Variants in EMX2 observed in about 807,000 individuals in gnomAD.
EMX2 encodes the protein homeobox protein EMX2.
In EMX2, 6 loss-of-function variants were observed where a neutral mutation model predicts 23.0. That is an observed-to-expected ratio of 0.26 (90% CI 0.14 to 0.52). The LOEUF is 0.52. Among genes scored for constraint, EMX2 ranks in the 20% least tolerant of loss-of-function variants. The pLI, the probability that EMX2 is intolerant of heterozygous loss-of-function variation, is 0.97. For synonymous variants in EMX2, 175 were observed against 153.3 expected (o/e 1.14, Z -1.04); for missense variants, 302 against 341.4 (o/e 0.88, Z 0.91).
chr10:117,543,915 C>A (rs1266294273), intron 1 of EMX2, among the ~76,000 whole-genome samples: 1 of 152,206 alleles, frequency 6.6e-6, no homozygotes, highest in East Asian at 1.9e-4. Flanking sequence ...GGAAGGGGTG[C>A]GAACGGAGAA....
chr10:117,548,297 A>G lies in EMX2; in HGVS notation c.*65A>G. The G allele has an allele frequency of 1.3e-6, 2 of 1,586,954 alleles. 1 individual carries two copies. The highest frequency in any genetic ancestry group is 2.3e-5 in the South Asian group (2 of 87,700). ...CAAAAGAGACAGGGAGAGGTGGAGA[A>G]GGAAAAAACCCTACAAAACAAAAAC... On this transcript the variant is annotated 3_prime_UTR_variant, in exon 3 of 3. Coordinates refer to ENST00000553456, the MANE Select transcript of EMX2 (RefSeq NM_004098.4).
At chr10:117,544,586 T>C (rs1294595372) in intron 1 of EMX2, 2 of 152,170 alleles carry the variant, frequency 1.3e-5, no homozygotes, top group Non-Finnish European at 2.9e-5. Flanking sequence ...AGCCGATCAA[T>C]ACTCCGCGGC....
At position 117,548,047 on chromosome 10, in the gene EMX2, T is replaced by A; in HGVS notation, c.592-18T>A. The A allele has an allele frequency of 6.2e-7, 1 of 1,602,752 alleles. No individual in the cohort carries two copies. Among genetic ancestry groups the A allele is most frequent in the African/African-American group, 1.3e-5 (1 of 74,820 alleles). Reference sequence around the variant, plus strand: ...GCTCTGAAAGAACTAACGCACCCCATCTGCCTCTCACCCGCAGGTAAAAGT... The same window carrying A: ...GCTCTGAAAGAACTAACGCACCCCAACTGCCTCTCACCCGCAGGTAAAAGT... On this transcript the variant is annotated intron_variant, in intron 2 of 2. Transcript: ENST00000553456.
chr10:117,548,747 T>TC lies in EMX2; in HGVS notation c.*522dup, dbSNP rs1427507486. 84 of 404,732 alleles carry TC rather than the reference T, an allele frequency of 2.1e-4. No individual in the cohort carries two copies. The highest frequency in any genetic ancestry group is 3.2e-4 in the East Asian group (9 of 28,248). 25.1% of individuals were successfully genotyped at this position (404,732 alleles called of 1,614,324 possible). A position where few individuals can be genotyped will look rare whatever the true frequency, so the allele number is the denominator to read the frequency against. On this transcript the variant is annotated 3_prime_UTR_variant, in exon 3 of 3. Transcript: ENST00000553456. ...TTTGTTTTTTGCACTTCGCTGTGTT[T>TC]CCCCCCCATCTTTAAAAATAATTAG...
At position 117,548,389 on chromosome 10, in the gene EMX2, C is replaced by T; in HGVS notation, c.*157C>T. On this transcript the variant is annotated 3_prime_UTR_variant, in exon 3 of 3. Coordinates refer to ENST00000553456, the MANE Select transcript of EMX2 (RefSeq NM_004098.4). ...AGGGAGCAGCGGAATGCGGCGAAGA[C>T]TCTGGACAGCGAGGGCACAGGGTCC... The T allele has an allele frequency of 8.3e-7, 1 of 1,202,258 alleles. No homozygotes were observed. Among genetic ancestry groups the T allele is most frequent in the Non-Finnish European group, 1.1e-6 (1 of 873,604 alleles). 74.5% of individuals were successfully genotyped at this position (1,202,258 alleles called of 1,614,324 possible).
At chr10:117,545,926 G>C (rs1318815349) in intron 2 of EMX2, 110 bp downstream of exon 2, 3 of 1,457,492 alleles carry the variant, frequency 2.1e-6, no homozygotes, top group Non-Finnish European at 2.8e-6. Context: ...TTCCGCACAG[G>C]TCCTGGTAGC....
intron 1 of EMX2, chr10:117,545,164 A>G (rs1846557931): frequency 6.5e-6 from 1 of 154,884 alleles, no homozygotes; most frequent in Non-Finnish European, 1.4e-5. Flanking sequence ...ATTTAAAAAT[A>G]AATCTCCATG....
chr10:117,545,529 C>A (rs1329755188), intron 1 of EMX2, 103 bp from the exon 2 acceptor site: 2 of 1,434,328 alleles, frequency 1.4e-6, no homozygotes, highest in Non-Finnish European at 9.5e-7. Context: ...CGCGGCTATG[C>A]GAAGGCCCTG....
At chr10:117,544,706 GCCTTTTAC>G (rs1157887747) in intron 1 of EMX2, 1 of 152,104 alleles carries the variant, frequency 6.6e-6, no homozygotes, top group Admixed American at 6.6e-5. Flanking sequence ...AACCCAAAAA[GCCTTTTAC>G]CCTTAATCCC....
At chr10:117,545,016 C>T (rs1364544875) in intron 1 of EMX2, 1 of 152,092 alleles carries the variant, frequency 6.6e-6, no homozygotes, top group Non-Finnish European at 1.5e-5. Flanking sequence ...TCTCGGGAGC[C>T]GGGAGCCCCG....
rs910849459 is a variant in EMX2, at chr10:117,549,449, T to C, written c.*1217T>C. On this transcript the variant is annotated 3_prime_UTR_variant, in exon 3 of 3. Transcript: ENST00000553456. ...ATACCAGAATGTAAATATTTTTGTG[T>C]TTTGTGTTAATTTGTTAGAATTCTA... 1 of 152,678 alleles carries C rather than the reference T, an allele frequency of 6.5e-6. No individual in the cohort carries two copies. Among genetic ancestry groups the C allele is most frequent in the African/African-American group, 2.4e-5 (1 of 41,458 alleles). The allele number at this position is 152,678 out of a possible 1,614,324, so 9.5% of individuals were successfully genotyped here.
In EMX2 at chr10:117,543,664, C is replaced by A; in HGVS notation, c.397C>A (p.Arg133Ser). 1 of 1,613,556 alleles carries A rather than the reference C, an allele frequency of 6.2e-7. No homozygotes were observed. The highest frequency in any genetic ancestry group is 2.2e-5 in the East Asian group (1 of 44,838). Reference protein sequence around the residue: ...LIHRYRYLGHRFQGNDTSPES... With the variant: ...LIHRYRYLGHSFQGNDTSPES... The stretch of plus-strand genomic sequence containing the variant: ...CCACCGCTACCGATATCTGGGTCAT[C>A]GCTTCCAAGGTACGTGCCACGTCGC... Residue 133 changes from arginine to serine, a missense_variant, in exon 1 of 3, where the codon CGC (arginine) becomes AGC (serine). Around this residue, in one of 4 missense-constraint regions of EMX2, gnomAD observed 221 missense variants for 206.8 expected, o/e 1.07. Transcript: ENST00000553456.
At chr10:117,543,744 G>C in intron 1 of EMX2, 71 bp downstream of exon 1, 1 of 1,610,474 alleles carries the variant, frequency 6.2e-7, no homozygotes, top group Non-Finnish European at 8.5e-7. Context: ...GCCTGCTCCG[G>C]GTGGGCGCTT....
At chr10:117,545,268 G>T (rs1048174134) in intron 1 of EMX2, 5 of 225,534 alleles carry the variant, frequency 2.2e-5, no homozygotes, top group African/African-American at 1.1e-4. Context: ...CGGGTTGTGG[G>T]CGCCAATCCC....
chr10:117,548,284 G>A lies in EMX2; in HGVS notation c.*52G>A. 6.2e-7 allele frequency: 1 copy of A among 1,600,666 alleles called. No homozygotes were observed. Among genetic ancestry groups the A allele is most frequent in the South Asian group, 1.1e-5 (1 of 89,248 alleles). On this transcript the variant is annotated 3_prime_UTR_variant, in exon 3 of 3. Coordinates refer to ENST00000553456, the MANE Select transcript of EMX2 (RefSeq NM_004098.4). ...GGACAACATGGAGCAAAAGAGACAG[G>A]GAGAGGTGGAGAAGGAAAAAACCCT...
In EMX2 at chr10:117,548,247, C is replaced by T; in HGVS notation, c.*15C>T. The T allele has an allele frequency of 6.2e-7, 1 of 1,612,872 alleles. No individual in the cohort carries two copies. Among genetic ancestry groups the T allele is most frequent in the Non-Finnish European group, 8.5e-7 (1 of 1,179,508 alleles). On this transcript the variant is annotated 3_prime_UTR_variant, in exon 3 of 3. Coordinates refer to ENST00000553456, the MANE Select transcript of EMX2 (RefSeq NM_004098.4). ...CAGATGATTAAAAACATAAACCTAACCCCACAGAAACGGACAACATGGAGC... is the reference window on the plus strand; with the variant it reads ...CAGATGATTAAAAACATAAACCTAATCCCACAGAAACGGACAACATGGAGC...
intron 1 of EMX2, 106 bp from the exon 2 acceptor site, chr10:117,545,526 A>T: frequency 7.2e-7 from 1 of 1,395,816 alleles, no homozygotes; most frequent in Non-Finnish European, 9.8e-7. Context: ...CGGCGCGGCT[A>T]TGCGAAGGCC....
chr10:117,546,746 C>T (rs1343325469), intron 2 of EMX2, among the ~76,000 whole-genome samples: 1 of 152,236 alleles, frequency 6.6e-6, no homozygotes, highest in African/African-American at 2.4e-5. Context: ...GTGTCAAGCC[C>T]CGAGCGCACC....
At chr10:117,543,786 G>A (rs8192644) in intron 1 of EMX2, 113 bp downstream of exon 1, 50,202 of 1,521,936 alleles carry the variant, frequency 0.033, 922 homozygotes, top group South Asian at 0.04. Context: ...CCTCCGGCTC[G>A]CGGGCCAGCG....
Sources: gnomAD v4.1 joint callset for allele counts (sites outside exome capture counted in the v4.1 genomes callset) on GRCh38, gnomAD v4.1.1 for gene constraint, gnomAD v4.1.1 regional missense constraint, MANE v1.5 for transcripts, NCBI Gene and HGNC (gene_info 2026-07-23, HGNC 2026-07-21) for gene names.